Variants in FBXO31 observed in about 807,000 individuals in gnomAD.
FBXO31 encodes F-box protein 31.
Under a neutral mutation model 54.4 loss-of-function variants are expected in FBXO31, and 24 were observed. The observed-to-expected ratio is 0.44, with a 90% confidence interval of 0.32 to 0.62. FBXO31 has a LOEUF of 0.62. Among genes scored for constraint, FBXO31 ranks in the 20% least tolerant of loss-of-function variants. The pLI, the probability that FBXO31 is intolerant of heterozygous loss-of-function variation, is 0.05. For synonymous variants in FBXO31, 388 were observed against 335.6 expected (o/e 1.16, Z -1.71); for missense variants, 665 against 787.1 (o/e 0.84, Z 1.86).
chr16:87,335,186 A>G lies in FBXO31; in HGVS notation c.996+118T>C. On this transcript the variant is annotated intron_variant, in intron 7 of 8. Coordinates refer to ENST00000311635, the MANE Select transcript of FBXO31 (RefSeq NM_024735.5). This position sits in a 1 kb window ranked among gnomAD's most constrained non-coding sequence, Gnocchi z 5.7. ...CCAAGCTCCCGGGGCTGCAGGTGCA[A>G]GCCCACTCTGAGGAGCAAGGGTGCC... 2.1e-6 allele frequency: 3 copies of G among 1,451,972 alleles called. No homozygotes were observed. The highest frequency in any genetic ancestry group is 2.8e-6 in the Non-Finnish European group (3 of 1,054,194). The allele number at this position is 1,451,972 out of a possible 1,614,324, so 89.9% of individuals were successfully genotyped here.
At position 87,358,788 on chromosome 16, in the gene FBXO31, G is replaced by A. The variant is rs1029807028; in HGVS notation, c.412+1507C>T. On this transcript the variant is annotated intron_variant, in intron 2 of 8. Coordinates refer to ENST00000311635, the MANE Select transcript of FBXO31 (RefSeq NM_024735.5). The surrounding 1 kb of genome is among the most constrained non-coding windows in gnomAD (Gnocchi z 4.0). ...TCCCGGGGCCAGCACACTCCCGGCA[G>A]GCCCCAGGCCACAGCTCACTGGGGC... Among the ~76,000 whole-genome samples the A allele has an allele frequency of 6.6e-6, 1 of 152,166 alleles. No homozygotes were observed. The highest frequency in any genetic ancestry group is 2.4e-5 in the African/African-American group (1 of 41,428).
chr16:87,383,299 TG>T lies in FBXO31; in HGVS notation c.340+105del. ...CACATCGCCGGGCCCCGCGCCCAAC[TG>T]GTGGCCCCCGGCCGGGGCCACCGCC... is the stretch of plus-strand genomic sequence containing the variant. On this transcript the variant is annotated intron_variant, in intron 1 of 8. Transcript: ENST00000311635. This position sits in a 1 kb window ranked among gnomAD's most constrained non-coding sequence, Gnocchi z 4.9. The T allele has an allele frequency of 9.1e-7, 1 of 1,096,606 alleles. No homozygotes were observed. Among genetic ancestry groups the T allele is most frequent in the Non-Finnish European group, 1.2e-6 (1 of 811,552 alleles). 67.9% of individuals were successfully genotyped at this position (1,096,606 alleles called of 1,614,324 possible).
intron 5 of FBXO31, among the ~76,000 whole-genome samples, chr16:87,339,654 G>A (rs1481351214): frequency 6.6e-6 from 1 of 152,208 alleles, no homozygotes; most frequent in Admixed American, 6.5e-5. Context: ...GAGTATGTCG[G>A]ATGGGGGTGT....
chr16:87,354,407 G>A (rs958831443), intron 2 of FBXO31, among the ~76,000 whole-genome samples: 3 of 151,778 alleles, frequency 2.0e-5, no homozygotes, highest in Admixed American at 2.0e-4. Context: ...GGAGATGAAG[G>A]CTGCAGTGAG....
At chr16:87,384,480 C>G (rs889761472), upstream of FBXO31, among the ~76,000 whole-genome samples, 1 of 152,020 alleles carries the variant, frequency 6.6e-6, no homozygotes, top group South Asian at 2.1e-4. Flanking sequence ...CATGCGGCGC[C>G]GCCCAAAGGG....
intron 1 of FBXO31, chr16:87,389,729 G>A (rs1296935354): frequency 6.6e-6 from 1 of 152,102 alleles, no homozygotes; most frequent in Admixed American, 6.6e-5. Flanking sequence ...TACATAATAT[G>A]CGCTTACCGG....
At chr16:87,347,642 T>A (rs796823293) in intron 2 of FBXO31, among the ~76,000 whole-genome samples, 3 of 137,560 alleles carry the variant, frequency 2.2e-5, no homozygotes, top group African/African-American at 8.5e-5. Context: ...ATCACACAAC[T>A]GCACTCCAGC....
chr16:87,376,715 C>A (rs1013091489), intron 1 of FBXO31, among the ~76,000 whole-genome samples: 1 of 152,234 alleles, frequency 6.6e-6, no homozygotes, highest in Non-Finnish European at 1.5e-5. Context: ...GTGGAGCCAC[C>A]CTTATACCTC....
At chr16:87,384,087 AAC>A (rs1907234095), upstream of FBXO31, 1 of 162,866 alleles carries the variant, frequency 6.1e-6, no homozygotes, top group South Asian at 2.0e-4. Context: ...CTACTGCGCT[AAC>A]GAGGCTGCTC....
At position 87,346,110 on chromosome 16, in the gene FBXO31, C is replaced by T. The variant is rs1033239711; in HGVS notation, c.489+1064G>A. On this transcript the variant is annotated intron_variant, in intron 3 of 8. Transcript: ENST00000311635. The surrounding 1 kb of genome is among the most constrained non-coding windows in gnomAD (Gnocchi z 4.2). The stretch of plus-strand genomic sequence containing the variant: ...CAGGGCCTGGGGATAGAGTCACGGA[C>T]GGCCTCCGGCTGGGCCCTACAGAGG... Among the ~76,000 whole-genome samples the T allele has an allele frequency of 4.6e-5, 7 of 152,168 alleles. No individual in the cohort carries two copies. The highest frequency in any genetic ancestry group is 7.3e-5 in the Non-Finnish European group (5 of 68,034).
In FBXO31 at chr16:87,347,232, T is replaced by C. The variant is rs1242355948; in HGVS notation, c.431A>G (p.His144Arg). The C allele has an allele frequency of 6.2e-7, 1 of 1,613,834 alleles. No individual in the cohort carries two copies. The highest frequency in any genetic ancestry group is 8.5e-7 in the Non-Finnish European group (1 of 1,179,960). The stretch of plus-strand genomic sequence containing the variant: ...ATCTGGCTGCCACAATCCCAAAATG[T>C]GTCTATATCGGTGAAGCACTACAGG... ...VYAKLLHRYR[H>R]ILGLWQPDIG... The change falls in exon 3 of 9, where the codon CAC becomes CGC. Residue 144 changes from histidine (H) to arginine (R), a missense_variant. Transcript: ENST00000311635.
rs1046654634 is a variant in FBXO31 at position 87,336,986 on chromosome 16, C to T, written c.733-722G>A. Among the ~76,000 whole-genome samples the T allele has an allele frequency of 1.3e-5, 2 of 152,078 alleles. No homozygotes were observed. Among genetic ancestry groups the T allele is most frequent in the South Asian group, 2.1e-4 (1 of 4,826 alleles). ...TATCTAGACCTAACTCTGAAAGGGA[C>T]GCATAAGCAACTCACAAAAAAGAGG... On this transcript the variant is annotated intron_variant, in intron 5 of 8. Transcript: ENST00000311635. This position sits in a 1 kb window ranked among gnomAD's most constrained non-coding sequence, Gnocchi z 6.5.
chr16:87,374,483 C>T (rs1463648940), intron 1 of FBXO31, among the ~76,000 whole-genome samples: 1 of 152,188 alleles, frequency 6.6e-6, no homozygotes, highest in Non-Finnish European at 1.5e-5. Flanking sequence ...CATGGGCACG[C>T]GCAGCAGTTC....
chr16:87,377,506 T>C (rs1171901917), intron 1 of FBXO31, among the ~76,000 whole-genome samples: 1 of 152,114 alleles, frequency 6.6e-6, no homozygotes, highest in Non-Finnish European at 1.5e-5. Flanking sequence ...AGCAAATGAC[T>C]ATAGACAATG....
upstream of FBXO31, among the ~76,000 whole-genome samples, chr16:87,385,646 C>T (rs965673965): frequency 5.3e-5 from 8 of 152,122 alleles, no homozygotes; most frequent in Non-Finnish European, 1.2e-4. Context: ...GAGGAAATGA[C>T]ATTTATAAAT....
chr16:87,381,460 C>T (rs1170849966), intron 1 of FBXO31, among the ~76,000 whole-genome samples: 1 of 152,200 alleles, frequency 6.6e-6, no homozygotes, highest in Non-Finnish European at 1.5e-5. Context: ...CTCATGCTCC[C>T]AACAGGACTT....
intron 1 of FBXO31, among the ~76,000 whole-genome samples, chr16:87,378,515 G>A (rs980816457): frequency 6.6e-6 from 1 of 152,232 alleles, no homozygotes; most frequent in African/African-American, 2.4e-5. Flanking sequence ...GGGCAGTTAA[G>A]TTTCTCCTTC....
intron 3 of FBXO31, 44 bp downstream of exon 3, chr16:87,347,130 C>T (rs1314770923): frequency 1.3e-6 from 2 of 1,564,784 alleles, no homozygotes; most frequent in Non-Finnish European, 1.8e-6. Flanking sequence ...TAAGGCACCA[C>T]TCCTGCCCGT....
intron 1 of FBXO31, among the ~76,000 whole-genome samples, chr16:87,369,657 C>T (rs1906513453): frequency 6.6e-6 from 1 of 152,070 alleles, no homozygotes; most frequent in Non-Finnish European, 1.5e-5. Context: ...TATCTGAGTC[C>T]CTTCCTTTCT....
Sources: gnomAD v4.1 joint callset for allele counts (sites outside exome capture counted in the v4.1 genomes callset) on GRCh38, gnomAD v4.1.1 for gene constraint, Gnocchi (gnomAD v3.1) non-coding constraint, MANE v1.5 for transcripts, NCBI Gene and HGNC (gene_info 2026-07-23, HGNC 2026-07-21) for gene names.